PCDHA1: variants seen among roughly 807,000 people sequenced by gnomAD.
PCDHA1 encodes the protein protocadherin alpha 1.
Under a neutral mutation model 61.3 loss-of-function variants are expected in PCDHA1, and 42 were observed. The observed-to-expected ratio is 0.69, with a 90% CI of 0.54 to 0.89. PCDHA1 has a LOEUF of 0.89. Among genes scored for constraint, PCDHA1 ranks in the 40% least tolerant of loss-of-function variants. The pLI is 0.00. For synonymous variants in PCDHA1, 610 were observed against 553.8 expected (o/e 1.10, Z -1.43); for missense variants, 1,256 against 1,235.3 (o/e 1.02, Z -0.25).
intron 1 of PCDHA1, chr5:140,967,990 G>C: frequency 6.2e-7 from 1 of 1,614,232 alleles, no homozygotes; most frequent in Non-Finnish European, 8.5e-7. Flanking sequence ...AGGCCACACT[G>C]CCTTTCCGAC....
At chr5:140,968,017 C>T (rs782195997) in intron 1 of PCDHA1, 2 of 1,614,216 alleles carry the variant, frequency 1.2e-6, no homozygotes, top group East Asian at 2.2e-5. Context: ...GCTTTGGAAA[C>T]TCCTATACAC....
rs2150123741 is a variant in PCDHA1 at position 140,823,226 on chromosome 5, A to G, written c.2394+34542A>G. On this transcript the variant is annotated intron_variant, in intron 1 of 3. Coordinates refer to ENST00000504120, the MANE Select transcript of PCDHA1 (RefSeq NM_018900.4). ...GTGTCTGCACGGGACGCGGACGCGC[A>G]GGAGAACGCCCTGGTGTCCTACTCG... is the stretch of plus-strand genomic sequence containing the variant. 3.1e-6 allele frequency: 5 copies of G among 1,613,692 alleles called. No homozygotes were observed. The South Asian group carries it at 5.5e-5, about 18-fold the overall frequency.
chr5:140,916,211 G>C (rs1373329073), intron 1 of PCDHA1, among the ~76,000 whole-genome samples: 4 of 152,182 alleles, frequency 2.6e-5, no homozygotes, highest in Non-Finnish European at 5.9e-5. Flanking sequence ...CCCTGGGGAA[G>C]ATCCAAATAT....
intron 1 of PCDHA1, chr5:140,810,853 CAATT>C (rs1394069722): frequency 9.9e-5 from 15 of 152,090 alleles, no homozygotes; most frequent in African/African-American, 3.1e-4. Flanking sequence ...TGATTAAACT[CAATT>C]TATCAATTTT....
intron 3 of PCDHA1, among the ~76,000 whole-genome samples, chr5:140,999,965 T>C (rs1439660759): frequency 1.3e-5 from 2 of 151,684 alleles, no homozygotes; most frequent in African/African-American, 4.8e-5. Flanking sequence ...TACCCAGGAG[T>C]AGCAGCTCTA....
chr5:140,826,192 C>A (rs1297520917), intron 1 of PCDHA1, among the ~76,000 whole-genome samples: 3 of 152,134 alleles, frequency 2.0e-5, no homozygotes, highest in East Asian at 1.9e-4. Flanking sequence ...CTAAAGTTAA[C>A]AATGGTCACA....
In PCDHA1 at chr5:140,897,362, T is replaced by C. The variant is rs1395353589; in HGVS notation, c.2395-81587T>C. Among the ~76,000 whole-genome samples the C allele has an allele frequency of 2.5e-5, 3 of 120,464 alleles. No homozygotes were observed. The East Asian group carries it at 7.6e-4, about 30-fold the overall frequency. 79.0% of individuals were successfully genotyped at this position (120,464 alleles called of 152,430 possible). ...CCCCACCCCACAACTGTCCCCAGAG[T>C]GTGATGTTCCCTTCCCCTTCCTGTG... On this transcript the variant is annotated intron_variant, in intron 1 of 3. Coordinates refer to ENST00000504120, the MANE Select transcript of PCDHA1 (RefSeq NM_018900.4).
intron 1 of PCDHA1, among the ~76,000 whole-genome samples, chr5:140,950,402 G>A (rs1459486068): frequency 6.6e-6 from 1 of 151,846 alleles, no homozygotes; most frequent in African/African-American, 2.4e-5. Context: ...AATTCTGGGG[G>A]ATTGACAGAT....
chr5:140,793,282 T>C (rs1386642707), intron 1 of PCDHA1, among the ~76,000 whole-genome samples: 1 of 152,232 alleles, frequency 6.6e-6, no homozygotes, highest in African/African-American at 2.4e-5. Flanking sequence ...TATGGAAGGG[T>C]GTAGACCCAG....
intron 1 of PCDHA1, among the ~76,000 whole-genome samples, chr5:140,873,542 T>C (rs2054341425): frequency 6.6e-6 from 1 of 152,130 alleles, no homozygotes; most frequent in Non-Finnish European, 1.5e-5. Context: ...GGTATAAAAT[T>C]ATAATTTCAA....
At chr5:140,839,492 T>A (rs1240592123) in intron 1 of PCDHA1, among the ~76,000 whole-genome samples, 2 of 151,944 alleles carry the variant, frequency 1.3e-5, no homozygotes, top group Non-Finnish European at 2.9e-5. Context: ...TGGGCTCAAG[T>A]GATCTTCCTA....
At chr5:140,944,966 C>A (rs1554216639) in intron 1 of PCDHA1, among the ~76,000 whole-genome samples, 1 of 152,080 alleles carries the variant, frequency 6.6e-6, no homozygotes, top group Non-Finnish European at 1.5e-5. Context: ...ATTATCTTAA[C>A]CTCTCTGGTG....
chr5:140,859,125 T>C (rs2045735975), intron 1 of PCDHA1: 1 of 150,194 alleles, frequency 6.7e-6, no homozygotes, highest in East Asian at 1.9e-4. Flanking sequence ...TATGTTTCTT[T>C]TATTTACATA....
At chr5:140,796,515 G>T in intron 1 of PCDHA1, 1 of 1,612,454 alleles carries the variant, frequency 6.2e-7, no homozygotes, top group Non-Finnish European at 8.5e-7. Context: ...GCGGCAAGGT[G>T]TACGCGCTGC....
At chr5:140,915,207 A>G (rs1238146165) in intron 1 of PCDHA1, among the ~76,000 whole-genome samples, 2 of 152,154 alleles carry the variant, frequency 1.3e-5, no homozygotes, top group Non-Finnish European at 2.9e-5. Flanking sequence ...TTGGCCTCCC[A>G]AAGTGCTGGG....
intron 1 of PCDHA1, chr5:140,834,235 C>A: frequency 1.3e-6 from 1 of 779,654 alleles, no homozygotes; most frequent in South Asian, 2.0e-5. Flanking sequence ...GAAGTCATTC[C>A]TTTTCGCACT....
chr5:140,985,018 A>G (rs1384418667), intron 3 of PCDHA1, among the ~76,000 whole-genome samples: 2 of 152,026 alleles, frequency 1.3e-5, no homozygotes, highest in Non-Finnish European at 2.9e-5. Flanking sequence ...GCTCACAGCA[A>G]CCTCTGCCTC....
chr5:140,885,283 T>C (rs1326439795), intron 1 of PCDHA1, among the ~76,000 whole-genome samples: 2 of 152,298 alleles, frequency 1.3e-5, no homozygotes, highest in Admixed American at 6.5e-5. Context: ...TATATACATA[T>C]ATAGAGAGAG....
At chr5:140,884,330 G>T in intron 1 of PCDHA1, 2 of 1,613,876 alleles carry the variant, frequency 1.2e-6, no homozygotes, top group Non-Finnish European at 1.7e-6. Context: ...AGGCGCTGTG[G>T]GTCCAGAAGC....
Sources: allele counts gnomAD v4.1 joint callset (sites outside exome capture counted in the v4.1 genomes callset), GRCh38; gene constraint gnomAD v4.1.1; transcripts MANE v1.5; gene names NCBI Gene and HGNC (gene_info 2026-07-23, HGNC 2026-07-21).